MLLT1: variants seen among roughly 807,000 people sequenced by gnomAD.
MLLT1 encodes the protein MLLT1 super elongation complex subunit.
Under a neutral mutation model 55.1 loss-of-function variants are expected in MLLT1, and 11 were observed. The observed-to-expected ratio is 0.20, with a 90% CI of 0.13 to 0.33. MLLT1 has a LOEUF of 0.33. Ranked by LOEUF, MLLT1 falls within the 10% of genes least tolerant of loss-of-function variation. The pLI is 1.00. For missense variants in MLLT1, 536 were observed against 760.6 expected (o/e 0.70, Z 3.47); for synonymous variants, 323 against 320.1 (o/e 1.01, Z -0.10).
At chr19:6,265,062 A>AAAAAAAAAAAAAAAAAAAC (rs2091338090) in intron 2 of MLLT1, among the ~76,000 whole-genome samples, 1 of 138,766 alleles carries the variant, frequency 7.2e-6, no homozygotes, top group Non-Finnish European at 1.6e-5. Flanking sequence ...AAAAACAAAA[A>AAAAAAAAAAAAAAAAAAAC]AACAAAAAAA....
Position 6,213,374 on chromosome 19 carries a change from C to T in MLLT1, c.1514G>A (p.Arg505Lys). The T allele has an allele frequency of 6.2e-7, 1 of 1,612,136 alleles. No individual in the cohort carries two copies. Among genetic ancestry groups the T allele is most frequent in the Non-Finnish European group, 8.5e-7 (1 of 1,179,928 alleles). ...YTDELVELHR[R>K]LMALRERNVL... ...GTTGCGCTCCCGCAGCGCCATCAGC[C>T]TCCGGTGTAGCTCCACCAGCTCATC... Residue 505 changes from arginine to lysine, a missense_variant, in exon 11 of 12, where the codon AGG (arginine) becomes AAG (lysine). Coordinates refer to ENST00000252674, the MANE Select transcript of MLLT1 (RefSeq NM_005934.4).
intron 7 of MLLT1, 143 bp downstream of exon 7, chr19:6,217,811 C>T (rs916786583): frequency 8.3e-7 from 1 of 1,211,392 alleles, no homozygotes; most frequent in Non-Finnish European, 1.1e-6. Flanking sequence ...AATATAGACT[C>T]CCCCAGGCCA....
chr19:6,211,026 GGAAGGCTGCTC>G lies in MLLT1; in HGVS notation c.*2005_*2015del, dbSNP rs1192762068. On this transcript the variant is annotated 3_prime_UTR_variant, in exon 12 of 12. Coordinates refer to ENST00000252674, the MANE Select transcript of MLLT1 (RefSeq NM_005934.4). The surrounding 1 kb of genome is among the most constrained non-coding windows in gnomAD (Gnocchi z 4.6). The stretch of plus-strand genomic sequence containing the variant: ...GAGCCCGACCCTCCTCTGGCTGAGT[GGAAGGCTGCTC>G]GAGTCGCTGTGTGGATTTTGGGGGA... 5.6e-5 allele frequency: 13 copies of G among 231,760 alleles called. No individual in the cohort carries two copies. The highest frequency in any genetic ancestry group is 9.4e-5 in the Non-Finnish European group (11 of 117,208). 14.4% of individuals were successfully genotyped at this position (231,760 alleles called of 1,614,324 possible). A position where few individuals can be genotyped will look rare whatever the true frequency, so the allele number is the denominator to read the frequency against.
intron 3 of MLLT1, among the ~76,000 whole-genome samples, chr19:6,257,802 GA>G (rs1374499574): frequency 6.6e-6 from 1 of 151,868 alleles, no homozygotes; most frequent in African/African-American, 2.4e-5. Flanking sequence ...CTCCATCTCG[GA>G]AAAAAACAAA....
rs145536050 is a variant in MLLT1 at position 6,222,343 on chromosome 19, G to C, written c.888C>G (p.Ser296Arg). 1 of 1,545,184 alleles carries C rather than the reference G, an allele frequency of 6.5e-7. No individual in the cohort carries two copies. The highest frequency in any genetic ancestry group is 8.7e-7 in the Non-Finnish European group (1 of 1,144,300). ...AGCTGCTCTTCTTCTGCTTCTTGGC[G>C]CTGGGCTTTGGCGAGTCGGCGGTGG... ...RPATADSPKP[S>R]AKKQKKSSSK... Residue 296 changes from serine to arginine, a missense_variant, in exon 6 of 12, where the codon AGC becomes AGG. Coordinates refer to ENST00000252674, the MANE Select transcript of MLLT1 (RefSeq NM_005934.4). The surrounding 1 kb of genome is among the most constrained non-coding windows in gnomAD (Gnocchi z 4.1).
At chr19:6,246,849 T>C (rs1289536113) in intron 3 of MLLT1, among the ~76,000 whole-genome samples, 1 of 152,188 alleles carries the variant, frequency 6.6e-6, no homozygotes, top group East Asian at 1.9e-4. Context: ...ATGCATGACA[T>C]GACCACCCCA....
chr19:6,223,351 G>A (rs995800597), intron 5 of MLLT1, among the ~76,000 whole-genome samples: 4 of 152,188 alleles, frequency 2.6e-5, no homozygotes, highest in Non-Finnish European at 4.4e-5. Context: ...CGCCTGGGTC[G>A]CTTTCCTAAA....
At chr19:6,228,884 C>T (rs1197632529) in intron 4 of MLLT1, among the ~76,000 whole-genome samples, 3 of 152,180 alleles carry the variant, frequency 2.0e-5, no homozygotes, top group African/African-American at 4.8e-5. Context: ...AGACCCCCCA[C>T]GGCGCCTGCT....
At chr19:6,272,149 C>T (rs560685148) in intron 1 of MLLT1, among the ~76,000 whole-genome samples, 28 of 152,082 alleles carry the variant, frequency 1.8e-4, no homozygotes, top group Admixed American at 7.8e-4. Flanking sequence ...CCGAGCCCCG[C>T]GCACGTCTTC....
intron 4 of MLLT1, among the ~76,000 whole-genome samples, chr19:6,228,198 G>A (rs1012245010): frequency 2.0e-5 from 3 of 152,160 alleles, no homozygotes; most frequent in Admixed American, 6.5e-5. Context: ...TCTGGAGCAC[G>A]CACATCACGC....
chr19:6,225,246 T>C (rs2090944288), intron 5 of MLLT1, among the ~76,000 whole-genome samples: 1 of 152,202 alleles, frequency 6.6e-6, no homozygotes, highest in East Asian at 1.9e-4. Flanking sequence ...CTGAGTCCCC[T>C]AAAGCTGCCG....
intron 1 of MLLT1, among the ~76,000 whole-genome samples, chr19:6,278,300 G>T (rs1030075292): frequency 2.0e-5 from 3 of 152,192 alleles, no homozygotes; most frequent in Non-Finnish European, 2.9e-5. Flanking sequence ...AGGAAGAGGG[G>T]TAGGGGCTTG....
rs544474442 is a variant in MLLT1 at position 6,222,364 on chromosome 19, G to A, written c.867C>T (p.Thr289=). 23 of 1,335,714 alleles carry A rather than the reference G, an allele frequency of 1.7e-5. No individual in the cohort carries two copies. The highest frequency in any genetic ancestry group is 1.1e-4 in the African/African-American group (7 of 65,244). The allele number at this position is 1,335,714 out of a possible 1,614,324, so 82.7% of individuals were successfully genotyped here. A position where few individuals can be genotyped will look rare whatever the true frequency, so the allele number is the denominator to read the frequency against. ...PPRASSKRPA[T]ADSPKPSAKK... ...TGGCGCTGGGCTTTGGCGAGTCGGC[G>A]GTGGCCGGCCGCTTGCTGGAAGCCC... The change falls in exon 6 of 12, where the codon ACC becomes ACT. Residue 289 remains threonine (T), a synonymous_variant. Transcript: ENST00000252674. This position sits in a 1 kb window ranked among gnomAD's most constrained non-coding sequence, Gnocchi z 4.1.
In MLLT1 at chr19:6,240,511, G is replaced by A. The variant is rs550423182; in HGVS notation, c.277-9798C>T. Among the ~76,000 whole-genome samples the A allele has an allele frequency of 2.6e-5, 4 of 152,322 alleles. No homozygotes were observed. Among genetic ancestry groups the A allele is most frequent in the Non-Finnish European group, 5.9e-5 (4 of 68,022 alleles). On this transcript the variant is annotated intron_variant, in intron 3 of 11. Transcript: ENST00000252674. The surrounding 1 kb of genome is among the most constrained non-coding windows in gnomAD (Gnocchi z 4.7). Reference sequence around the variant, plus strand: ...CGTCCTCACCTGTGAAGTGGGAAAGGCAGAACCCACCCCATATACAGGCAC... The same window carrying A: ...CGTCCTCACCTGTGAAGTGGGAAAGACAGAACCCACCCCATATACAGGCAC...
chr19:6,260,488 C>T (rs1237512392), intron 3 of MLLT1, among the ~76,000 whole-genome samples: 2 of 152,246 alleles, frequency 1.3e-5, no homozygotes, highest in African/African-American at 4.8e-5. Flanking sequence ...GTTGCCCCTA[C>T]TAAGCAAGGA....
chr19:6,270,883 G>T lies in MLLT1; in HGVS notation c.13-124C>A. 1.1e-6 allele frequency: 1 copy of T among 915,696 alleles called. No homozygotes were observed. The highest frequency in any genetic ancestry group is 3.0e-5 in the Admixed American group (1 of 33,344). The allele number at this position is 915,696 out of a possible 1,614,324, so 56.7% of individuals were successfully genotyped here. ...GTGCAATACGCTCTCAACCCAGTGA[G>T]CAGCACACAGACGGCTTCCTATCGC... On this transcript the variant is annotated intron_variant, in intron 1 of 11. Transcript: ENST00000252674. This position sits in a 1 kb window ranked among gnomAD's most constrained non-coding sequence, Gnocchi z 7.1.
rs13382158 is a variant in MLLT1 at position 6,229,684 on chromosome 19, A to G, written c.420+886T>C. Among the ~76,000 whole-genome samples, 46,037 of 150,974 alleles carry G rather than the reference A, an allele frequency of 0.3. 8,618 individuals are homozygous for G. The highest frequency in any genetic ancestry group is 0.52 in the African/African-American group (21,518 of 41,080). On this transcript the variant is annotated intron_variant, in intron 4 of 11. Transcript: ENST00000252674. The surrounding 1 kb of genome is among the most constrained non-coding windows in gnomAD (Gnocchi z 5.2). ...TGTACATACCACACAACACACACAC[A>G]CGCCCCACACCCGTGACACCACACA...
intron 1 of MLLT1, among the ~76,000 whole-genome samples, chr19:6,278,626 G>C (rs1355934914): frequency 6.6e-6 from 1 of 152,186 alleles, no homozygotes; most frequent in Non-Finnish European, 1.5e-5. Flanking sequence ...GGACTGTGAC[G>C]TGACCAACCA....
intron 1 of MLLT1, among the ~76,000 whole-genome samples, chr19:6,272,465 C>G (rs957259462): frequency 6.6e-6 from 1 of 152,216 alleles, no homozygotes; most frequent in Non-Finnish European, 1.5e-5. Flanking sequence ...CTACTCATCT[C>G]AAGTCCTGGC....
Sources: gnomAD v4.1 joint callset for allele counts (sites outside exome capture counted in the v4.1 genomes callset) on GRCh38, gnomAD v4.1.1 for gene constraint, Gnocchi (gnomAD v3.1) non-coding constraint, MANE v1.5 for transcripts, NCBI Gene and HGNC (gene_info 2026-07-23, HGNC 2026-07-21) for gene names.